The following PTPRM variants were observed in gnomAD, a reference collection of about 807,000 sequenced individuals.
The protein encoded by PTPRM is protein tyrosine phosphatase receptor type M.
PTPRM carries 47 observed loss-of-function variants against 186.7 expected under a neutral mutation model. The observed-to-expected ratio is 0.25, with a 90% confidence interval of 0.20 to 0.32. The LOEUF is 0.32. Among genes scored for constraint, PTPRM ranks in the 10% least tolerant of loss-of-function variants. PTPRM has a pLI of 1.00. For missense variants in PTPRM, 1,494 were observed against 1,865.0 expected (o/e 0.80, Z 3.66); for synonymous variants, 668 against 674.9 (o/e 0.99, Z 0.16).
chr18:8,094,855 C>T (rs535953399), intron 11 of PTPRM, among the ~76,000 whole-genome samples: 11 of 152,168 alleles, frequency 7.2e-5, no homozygotes, highest in South Asian at 4.2e-4. Flanking sequence ...ATTTTTAAAA[C>T]GAGTGCATGA....
At chr18:8,234,894 GT>G (rs1156715473) in intron 14 of PTPRM, among the ~76,000 whole-genome samples, 1 of 152,016 alleles carries the variant, frequency 6.6e-6, no homozygotes, top group Non-Finnish European at 1.5e-5. Flanking sequence ...CATTTTTTGA[GT>G]TTCAAATGTT....
At chr18:7,958,419 A>G (rs1263440373) in intron 7 of PTPRM, among the ~76,000 whole-genome samples, 1 of 152,110 alleles carries the variant, frequency 6.6e-6, no homozygotes, top group Non-Finnish European at 1.5e-5. Flanking sequence ...AGGATGTGGA[A>G]CCTTTCTTAA....
At chr18:8,337,929 C>T (rs139157393) in intron 22 of PTPRM, among the ~76,000 whole-genome samples, 41 of 152,292 alleles carry the variant, frequency 2.7e-4, no homozygotes, top group African/African-American at 7.7e-4. Flanking sequence ...AGGATTTATG[C>T]AGGAAAATGA....
intron 8 of PTPRM, among the ~76,000 whole-genome samples, chr18:8,070,710 G>A (rs1033305924): frequency 2.6e-5 from 4 of 152,130 alleles, no homozygotes; most frequent in Non-Finnish European, 5.9e-5. Flanking sequence ...ACCCTTGTGT[G>A]TAATGACATA....
chr18:7,642,004 G>A (rs1598603345), intron 1 of PTPRM, among the ~76,000 whole-genome samples: 1 of 152,198 alleles, frequency 6.6e-6, no homozygotes, highest in African/African-American at 2.4e-5. Context: ...GTTGTAAATG[G>A]CAGGGCAGAA....
At chr18:8,130,218 C>G (rs1038225322) in intron 13 of PTPRM, among the ~76,000 whole-genome samples, 1 of 152,098 alleles carries the variant, frequency 6.6e-6, no homozygotes, top group African/African-American at 2.4e-5. Flanking sequence ...ACCCTATATT[C>G]TTGAAATAAC....
chr18:8,219,660 T>G (rs2094132341), intron 14 of PTPRM, among the ~76,000 whole-genome samples: 1 of 152,266 alleles, frequency 6.6e-6, no homozygotes, highest in Admixed American at 6.5e-5. Flanking sequence ...GTGGGATATC[T>G]TGAGGTGGAG....
At chr18:7,733,433 G>T (rs1343496272) in intron 1 of PTPRM, among the ~76,000 whole-genome samples, 1 of 152,100 alleles carries the variant, frequency 6.6e-6, no homozygotes, top group Non-Finnish European at 1.5e-5. Flanking sequence ...TTTTATGGCT[G>T]CATAGTATTC....
intron 7 of PTPRM, among the ~76,000 whole-genome samples, chr18:8,037,522 C>T (rs1336259994): frequency 1.3e-5 from 2 of 152,108 alleles, no homozygotes; most frequent in Admixed American, 6.6e-5. Context: ...TGAAAATACC[C>T]ATTTCTCTTG....
intron 7 of PTPRM, among the ~76,000 whole-genome samples, chr18:8,016,545 A>G (rs2084878435): frequency 6.6e-6 from 1 of 151,396 alleles, no homozygotes; most frequent in African/African-American, 2.4e-5. Flanking sequence ...AAAAAAAAAA[A>G]AGAAAAAAAA....
chr18:8,020,888 C>A (rs968866005), intron 7 of PTPRM, among the ~76,000 whole-genome samples: 8 of 152,186 alleles, frequency 5.3e-5, no homozygotes, highest in Admixed American at 4.6e-4. Context: ...TAGTGTCGTT[C>A]TGTGTGGGAC....
intron 1 of PTPRM, among the ~76,000 whole-genome samples, chr18:7,758,709 A>C (rs556323495): frequency 6.6e-6 from 1 of 152,264 alleles, no homozygotes; most frequent in Admixed American, 6.5e-5. Flanking sequence ...AAGATATCAC[A>C]TTTTGCTCTC....
At chr18:7,617,291 C>T (rs2037828840) in intron 1 of PTPRM, among the ~76,000 whole-genome samples, 1 of 152,076 alleles carries the variant, frequency 6.6e-6, no homozygotes, top group Non-Finnish European at 1.5e-5. Flanking sequence ...ACAGAAATAT[C>T]GATTTGTAGG....
At chr18:7,576,104 G>T (rs1039736253) in intron 1 of PTPRM, among the ~76,000 whole-genome samples, 7 of 152,060 alleles carry the variant, frequency 4.6e-5, no homozygotes, top group Admixed American at 2.0e-4. Context: ...AACTGATAAG[G>T]TTTTAGCATC....
chr18:8,240,798 GA>G (rs2094422577), intron 14 of PTPRM, among the ~76,000 whole-genome samples: 1 of 55,408 alleles, frequency 1.8e-5, no homozygotes, highest in South Asian at 6.0e-4. Flanking sequence ...GAGAGAGAGA[GA>G]GAGAGAGAGA....
intron 2 of PTPRM, among the ~76,000 whole-genome samples, chr18:7,855,555 C>A (rs1424179125): frequency 6.6e-6 from 1 of 152,190 alleles, no homozygotes; most frequent in African/African-American, 2.4e-5. Flanking sequence ...CCATTTCCAC[C>A]CTCTACTAAA....
intron 22 of PTPRM, among the ~76,000 whole-genome samples, chr18:8,335,649 G>GCATACC (rs1384642073): frequency 1.3e-5 from 2 of 152,166 alleles, no homozygotes; most frequent in Admixed American, 1.3e-4. Flanking sequence ...AAACCTGAAA[G>GCATACC]AAAACTCATG....
intron 1 of PTPRM, among the ~76,000 whole-genome samples, chr18:7,770,568 A>C (rs998435884): frequency 2.6e-5 from 4 of 152,224 alleles, no homozygotes; most frequent in Non-Finnish European, 5.9e-5. Context: ...CAGAAATACC[A>C]TGTGAGGTAC....
intron 1 of PTPRM, among the ~76,000 whole-genome samples, chr18:7,727,901 C>A (rs1461861613): frequency 2.0e-5 from 3 of 152,126 alleles, no homozygotes; most frequent in Admixed American, 2.0e-4. Flanking sequence ...TCATGTAATC[C>A]CCAAAATAGA....
Sources: allele counts gnomAD v4.1 joint callset (sites outside exome capture counted in the v4.1 genomes callset), GRCh38; gene constraint gnomAD v4.1.1; transcripts MANE v1.5; gene names NCBI Gene and HGNC (gene_info 2026-07-23, HGNC 2026-07-21).